The following RBFOX1 variants were observed in gnomAD, a reference collection of about 807,000 sequenced individuals.
The protein encoded by RBFOX1 is RNA binding protein fox-1 homolog 1.
A neutral mutation model predicts 57.7 loss-of-function variants in RBFOX1; 8 were observed. The ratio of observed to expected loss-of-function variants is 0.14; its 90% confidence interval spans 0.08 to 0.25. The LOEUF (loss-of-function observed/expected upper bound fraction) is 0.25, where lower values mean the gene tolerates loss of function less well. Ranked by LOEUF, RBFOX1 falls within the 10% of genes least tolerant of loss-of-function variation. The probability of loss-of-function intolerance (pLI) is 1.00; values close to 1 mark genes in which losing one functional copy is unlikely to be tolerated. For synonymous variants in RBFOX1, 326 were observed against 222.4 expected (o/e 1.47, Z -4.15); for missense variants, 611 against 548.5 (o/e 1.11, Z -1.14).
chr16:7,236,653 A>G (rs1158798232), intron 4 of RBFOX1, among the ~76,000 whole-genome samples: 1 of 152,160 alleles, frequency 6.6e-6, no homozygotes, highest in Non-Finnish European at 1.5e-5. Flanking sequence ...TGTGGCTTTT[A>G]GTAGTTGTTT....
At chr16:5,866,594 A>G (rs2057348392) in intron 3 of RBFOX1, among the ~76,000 whole-genome samples, 1 of 152,246 alleles carries the variant, frequency 6.6e-6, no homozygotes, top group African/African-American at 2.4e-5. Context: ...TGTCTACACC[A>G]AATCCTTTGA....
At chr16:6,264,297 A>G (rs747110652) in intron 1 of RBFOX1, among the ~76,000 whole-genome samples, 1 of 152,180 alleles carries the variant, frequency 6.6e-6, no homozygotes, top group African/African-American at 2.4e-5. Flanking sequence ...TAACCATGCC[A>G]TATCCCTGCA....
At chr16:7,320,385 A>G (rs1344192800) in intron 4 of RBFOX1, among the ~76,000 whole-genome samples, 4 of 152,264 alleles carry the variant, frequency 2.6e-5, no homozygotes, top group African/African-American at 9.6e-5. Flanking sequence ...AGCTCCATCC[A>G]TGTCCCTGCA....
intron 2 of RBFOX1, among the ~76,000 whole-genome samples, chr16:5,511,086 T>G (rs549165574): frequency 5.7e-4 from 87 of 151,754 alleles, no homozygotes; most frequent in African/African-American, 2.0e-3. Flanking sequence ...AAAAAAACAG[T>G]GTGGTTTGTT....
At chr16:7,022,744 CCAAA>C (rs1376116493) in intron 3 of RBFOX1, among the ~76,000 whole-genome samples, 12 of 152,132 alleles carry the variant, frequency 7.9e-5, no homozygotes, top group Admixed American at 3.9e-4. Flanking sequence ...TTAGTATGGG[CCAAA>C]CAGTTTCCTA....
chr16:6,873,354 T>C (rs570079590), intron 3 of RBFOX1, among the ~76,000 whole-genome samples: 4 of 152,170 alleles, frequency 2.6e-5, no homozygotes, highest in Non-Finnish European at 5.9e-5. Flanking sequence ...ATTAGAGACA[T>C]GATTATGCTT....
chr16:6,494,201 T>C (rs765579085), intron 2 of RBFOX1, among the ~76,000 whole-genome samples: 104 of 152,342 alleles, frequency 6.8e-4, no homozygotes, highest in Non-Finnish European at 1.1e-3. Flanking sequence ...ATGGCTGCAA[T>C]CCACTGACCT....
intron 1 of RBFOX1, among the ~76,000 whole-genome samples, chr16:6,234,124 G>T (rs574540520): frequency 2.6e-5 from 4 of 152,092 alleles, no homozygotes; most frequent in Middle Eastern, 3.2e-3. Context: ...GGAGGAGCCT[G>T]TATGAACCAG....
At chr16:7,283,447 C>A (rs536902405) in intron 4 of RBFOX1, among the ~76,000 whole-genome samples, 6 of 152,054 alleles carry the variant, frequency 3.9e-5, no homozygotes, top group Non-Finnish European at 8.8e-5. Flanking sequence ...GATGATGGTG[C>A]CTCTTCCGTG....
intron 12 of RBFOX1, among the ~76,000 whole-genome samples, chr16:7,664,121 C>G (rs1232508589): frequency 1.3e-5 from 2 of 152,190 alleles, no homozygotes; most frequent in Non-Finnish European, 2.9e-5. Context: ...TGTATACACC[C>G]TTGTACATAT....
intron 5 of RBFOX1, among the ~76,000 whole-genome samples, chr16:7,555,822 C>A (rs753560253): frequency 6.6e-6 from 1 of 152,188 alleles, no homozygotes; most frequent in South Asian, 2.1e-4. Context: ...AAGCCTACCT[C>A]CACGGTCCCT....
intron 3 of RBFOX1, among the ~76,000 whole-genome samples, chr16:5,854,187 G>A (rs984963932): frequency 3.3e-5 from 5 of 152,116 alleles, no homozygotes; most frequent in Non-Finnish European, 5.9e-5. Flanking sequence ...AGTGTGCCTG[G>A]TGAGAACACG....
At chr16:6,078,703 G>A (rs1474448286) in intron 1 of RBFOX1, among the ~76,000 whole-genome samples, 2 of 152,200 alleles carry the variant, frequency 1.3e-5, no homozygotes, top group African/African-American at 2.4e-5. Flanking sequence ...CACCCTGCAC[G>A]TAGCAAGGGT....
intron 3 of RBFOX1, among the ~76,000 whole-genome samples, chr16:6,657,733 T>C (rs1254604890): frequency 2.0e-5 from 3 of 152,174 alleles, no homozygotes; most frequent in African/African-American, 7.2e-5. Flanking sequence ...TAAGTAAACC[T>C]GTCTCTGAAG....
rs570122766 is a variant in RBFOX1 at position 6,225,156 on chromosome 16, A to T, written c.-126-91839A>T. ...AGAACAGTGGAAGAGTTTGAAGGTG[A>T]TCTTTAACAATGGAAGGAATAACAG... On this transcript the variant is annotated intron_variant, in intron 1 of 15. Coordinates refer to ENST00000550418, the MANE Select transcript of RBFOX1 (RefSeq NM_018723.4). Among the ~76,000 whole-genome samples the T allele has an allele frequency of 4.6e-5, 7 of 152,052 alleles. No individual in the cohort carries two copies. The South Asian group carries it at 1.2e-3, about 27-fold the overall frequency.
intron 3 of RBFOX1, among the ~76,000 whole-genome samples, chr16:6,670,194 G>T (rs1423936085): frequency 6.6e-6 from 1 of 151,368 alleles, no homozygotes; most frequent in Non-Finnish European, 1.5e-5. Context: ...TTCCCAAGTA[G>T]CTGGAACCAC....
chr16:6,834,838 A>T (rs1041330442), intron 3 of RBFOX1, among the ~76,000 whole-genome samples: 1 of 150,726 alleles, frequency 6.6e-6, no homozygotes, highest in African/African-American at 2.4e-5. Context: ...GACTTTGTCC[A>T]TCTGGAAGTC....
chr16:6,060,122 G>GTTTTTTGTTTTTTT (rs1567355465), intron 1 of RBFOX1, among the ~76,000 whole-genome samples: 8 of 114,206 alleles, frequency 7.0e-5, no homozygotes, highest in Admixed American at 1.9e-4. Context: ...TAGGATTAGG[G>GTTTTTTGTTTTTTT]TTTTTTTTTT....
chr16:6,167,529 C>G (rs1046410038), intron 1 of RBFOX1, among the ~76,000 whole-genome samples: 1 of 152,106 alleles, frequency 6.6e-6, no homozygotes, highest in Non-Finnish European at 1.5e-5. Context: ...GTTTTGGGGA[C>G]TGACAAATTT....
Sources: gnomAD v4.1 joint callset for allele counts (sites outside exome capture counted in the v4.1 genomes callset) on GRCh38, gnomAD v4.1.1 for gene constraint, MANE v1.5 for transcripts, NCBI Gene and HGNC (gene_info 2026-07-23, HGNC 2026-07-21) for gene names.